Variants in CDH18 observed in about 807,000 individuals in gnomAD.
CDH18 encodes the protein cadherin-18.
CDH18 carries 31 observed loss-of-function variants against 67.9 expected under a neutral mutation model. The observed-to-expected ratio is 0.46, with a 90% confidence interval of 0.34 to 0.62. The LOEUF (loss-of-function observed/expected upper bound fraction) is 0.62. Ranked by LOEUF, CDH18 falls within the 20% of genes least tolerant of loss-of-function variation. CDH18 has a pLI of 0.01. For missense variants in CDH18, 890 were observed against 975.5 expected, an observed-to-expected ratio of 0.91 and a Z score of 1.17; for synonymous variants, 362 against 347.2, an observed-to-expected ratio of 1.04 and a Z score of -0.48.
chr5:20,258,087 C>T (rs559979399), intron 1 of CDH18, among the ~76,000 whole-genome samples: 3 of 152,178 alleles, frequency 2.0e-5, no homozygotes, highest in Non-Finnish European at 2.9e-5. Context: ...ACTAAAGTCC[C>T]TACAGGTTGT....
chr5:20,152,009 G>A (rs1182451706), intron 2 of CDH18, among the ~76,000 whole-genome samples: 1 of 150,320 alleles, frequency 6.7e-6, no homozygotes, highest in Non-Finnish European at 1.5e-5. Context: ...TGTAGAACTA[G>A]AAGTTCAATG....
intron 1 of CDH18, among the ~76,000 whole-genome samples, chr5:20,401,371 G>A (rs1482138676): frequency 6.6e-6 from 1 of 152,134 alleles, no homozygotes; most frequent in East Asian, 1.9e-4. Context: ...GGAATGTAAA[G>A]TTTATAGAAT....
chr5:19,870,479 TA>T (rs919952927), intron 2 of CDH18, among the ~76,000 whole-genome samples: 1 of 152,130 alleles, frequency 6.6e-6, no homozygotes, highest in Non-Finnish European at 1.5e-5. Context: ...TAGCTATGAC[TA>T]ATTTTGATAT....
intron 5 of CDH18, among the ~76,000 whole-genome samples, chr5:19,659,200 T>C (rs1756831326): frequency 6.6e-6 from 1 of 152,140 alleles, no homozygotes. Context: ...TTCTACATTC[T>C]ATAATTAAAT....
chr5:20,473,158 A>T (rs895698101), intron 1 of CDH18, among the ~76,000 whole-genome samples: 3 of 152,196 alleles, frequency 2.0e-5, no homozygotes, highest in Non-Finnish European at 4.4e-5. Context: ...TCTAGTGTCA[A>T]AAGCTGTTCC....
intron 5 of CDH18, among the ~76,000 whole-genome samples, chr5:19,696,734 A>T (rs540282031): frequency 6.6e-6 from 1 of 152,124 alleles, no homozygotes; most frequent in Non-Finnish European, 1.5e-5. Context: ...AATATGATTT[A>T]TCATCTATGA....
chr5:20,140,428 G>C (rs889797424), intron 2 of CDH18, among the ~76,000 whole-genome samples: 3 of 151,824 alleles, frequency 2.0e-5, no homozygotes, highest in Admixed American at 2.0e-4. Context: ...TAAGAAACCT[G>C]CACATTGTGC....
intron 4 of CDH18, among the ~76,000 whole-genome samples, chr5:19,727,007 C>A (rs545777191): frequency 3.3e-5 from 5 of 152,164 alleles, no homozygotes; most frequent in African/African-American, 1.2e-4. Flanking sequence ...ATGGAATCTT[C>A]TTGCACCTTG....
At chr5:20,409,855 A>G (rs1034819914) in intron 1 of CDH18, among the ~76,000 whole-genome samples, 1 of 151,794 alleles carries the variant, frequency 6.6e-6, no homozygotes, top group Non-Finnish European at 1.5e-5. Flanking sequence ...ACAAATTACT[A>G]TAAACACTTG....
At chr5:19,726,535 C>T (rs951624143) in intron 4 of CDH18, among the ~76,000 whole-genome samples, 1 of 152,124 alleles carries the variant, frequency 6.6e-6, no homozygotes, top group Non-Finnish European at 1.5e-5. Flanking sequence ...GCCAGCCCAT[C>T]AGAGAACAGA....
intron 1 of CDH18, among the ~76,000 whole-genome samples, chr5:20,282,313 C>A (rs1427965516): frequency 6.6e-6 from 1 of 152,106 alleles, no homozygotes; most frequent in Non-Finnish European, 1.5e-5. Flanking sequence ...GGAATGCTTC[C>A]AGTTTTTGCC....
intron 3 of CDH18, among the ~76,000 whole-genome samples, chr5:19,771,595 C>T (rs1276585455): frequency 6.6e-6 from 1 of 152,202 alleles, no homozygotes; most frequent in Non-Finnish European, 1.5e-5. Flanking sequence ...CTCAGCTAAG[C>T]CATGACTGAA....
At chr5:19,717,156 G>A (rs1333746784) in intron 5 of CDH18, among the ~76,000 whole-genome samples, 1 of 151,876 alleles carries the variant, frequency 6.6e-6, no homozygotes, top group African/African-American at 2.4e-5. Flanking sequence ...TGTATTTTTC[G>A]TGACATCAGG....
intron 5 of CDH18, among the ~76,000 whole-genome samples, chr5:19,698,120 G>A (rs1229400330): frequency 6.6e-6 from 1 of 152,116 alleles, no homozygotes; most frequent in Non-Finnish European, 1.5e-5. Flanking sequence ...ATTTTACAAA[G>A]ATCTGCATCA....
chr5:20,021,344 A>G (rs2150433790), intron 2 of CDH18, among the ~76,000 whole-genome samples: 1 of 152,242 alleles, frequency 6.6e-6, no homozygotes, highest in East Asian at 1.9e-4. Context: ...TGAGAGAGGA[A>G]GATTGTACTT....
intron 2 of CDH18, among the ~76,000 whole-genome samples, chr5:19,971,543 G>A (rs553208416): frequency 2.0e-5 from 3 of 152,028 alleles, no homozygotes; most frequent in African/African-American, 7.2e-5. Flanking sequence ...GGAGGTTATT[G>A]GTCATTAAAA....
intron 10 of CDH18, among the ~76,000 whole-genome samples, chr5:19,514,124 G>T (rs777428844): frequency 9.9e-5 from 15 of 152,094 alleles, no homozygotes; most frequent in Non-Finnish European, 2.2e-4. Flanking sequence ...GTGATAGTTT[G>T]CTCAGAATGA....
Position 20,182,821 on chromosome 5 carries a change from C to T in CDH18, c.-518+72623G>A, listed in dbSNP as rs1033026106. 4.0e-5 allele frequency among the ~76,000 whole-genome samples: 6 copies of T among 149,352 alleles called. No individual in the cohort carries two copies. The South Asian group carries it at 8.4e-4, about 21-fold the overall frequency. ...TCTAGATTCTATAGCTATAGAATTG[C>T]GAGGGAAAAAAAAAATCTCTTCTTT... On this transcript the variant is annotated intron_variant, in intron 2 of 14. Transcript: ENST00000507958.
At chr5:20,571,958 T>C (rs1581217709) in intron 1 of CDH18, among the ~76,000 whole-genome samples, 1 of 152,128 alleles carries the variant, frequency 6.6e-6, no homozygotes, top group Admixed American at 6.6e-5. Flanking sequence ...AGAAGATCTC[T>C]AACTGCTGTA....
Sources: gnomAD v4.1 joint callset for allele counts (sites outside exome capture counted in the v4.1 genomes callset) on GRCh38, gnomAD v4.1.1 for gene constraint, MANE v1.5 for transcripts, NCBI Gene and HGNC (gene_info 2026-07-23, HGNC 2026-07-21) for gene names.